GNAL: variants seen among roughly 807,000 people sequenced by gnomAD.
GNAL encodes G protein subunit alpha L, also known as guanine nucleotide-binding protein G(olf) subunit alpha.
Under a neutral mutation model 55.1 loss-of-function variants are expected in GNAL, and 18 were observed. The observed-to-expected ratio is 0.33, with a 90% CI of 0.23 to 0.48. The LOEUF is 0.48. Among genes scored for constraint, GNAL ranks in the 20% least tolerant of loss-of-function variants. The pLI, the probability that GNAL is intolerant of heterozygous loss-of-function variation, is 0.99. For synonymous variants in GNAL, 253 were observed against 237.0 expected (o/e 1.07, Z -0.62); for missense variants, 412 against 614.1 (o/e 0.67, Z 3.48).
intron 1 of GNAL, among the ~76,000 whole-genome samples, chr18:11,701,420 A>T (rs2031566333): frequency 6.6e-6 from 1 of 151,934 alleles, no homozygotes; most frequent in East Asian, 1.9e-4. Flanking sequence ...GTGAAACCCC[A>T]TCTCTACTAA....
intron 4 of GNAL, among the ~76,000 whole-genome samples, chr18:11,755,159 G>A (rs1470428390): frequency 1.3e-5 from 2 of 152,210 alleles, no homozygotes; most frequent in Admixed American, 1.3e-4. Context: ...AAAACAGAGA[G>A]ACCCCGCCCT....
rs186639137 is a variant in GNAL at position 11,827,143 on chromosome 18, C to T, written c.722+2128C>T. On this transcript the variant is annotated intron_variant, in intron 5 of 11. Transcript: ENST00000334049. The stretch of plus-strand genomic sequence containing the variant: ...GTCCAAGGACAGGATGTCCCATGCT[C>T]AGTCCGCAGGCATGTGGTGAGCGCG... Among the ~76,000 whole-genome samples the T allele has an allele frequency of 2.5e-4, 38 of 152,260 alleles. No individual in the cohort carries two copies. In the East Asian group the frequency reaches 7.1e-3, roughly 29 times the overall value.
At chr18:11,692,565 C>T (rs1189945863) in intron 1 of GNAL, among the ~76,000 whole-genome samples, 1 of 151,956 alleles carries the variant, frequency 6.6e-6, no homozygotes, top group Non-Finnish European at 1.5e-5. Flanking sequence ...AATAAATCTT[C>T]GGATATGCAA....
At chr18:11,849,306 A>C (rs1402466995) in intron 5 of GNAL, among the ~76,000 whole-genome samples, 1 of 152,232 alleles carries the variant, frequency 6.6e-6, no homozygotes, top group East Asian at 1.9e-4. Context: ...GTTCGAGGCC[A>C]GCCTGACCAA....
Position 11,700,152 on chromosome 18 carries a change from G to A in GNAL, c.376+10213G>A, listed in dbSNP as rs2031524553. Among the ~76,000 whole-genome samples, 2 of 152,176 alleles carry A rather than the reference G, an allele frequency of 1.3e-5. 1 individual carries two copies. The highest frequency in any genetic ancestry group is 4.2e-4 in the South Asian group (2 of 4,818). ...CAGTGGCCATAGCAGAAGGGTCGAGGGTTCTTCTAATGAGCCCGTTTAGGG... is the reference window on the plus strand; with the variant it reads ...CAGTGGCCATAGCAGAAGGGTCGAGAGTTCTTCTAATGAGCCCGTTTAGGG... On this transcript the variant is annotated intron_variant, in intron 1 of 11. Coordinates refer to ENST00000334049, the MANE Select transcript of GNAL (RefSeq NM_182978.4).
intron 4 of GNAL, among the ~76,000 whole-genome samples, chr18:11,814,656 G>A (rs2034906146): frequency 6.6e-6 from 1 of 152,216 alleles, no homozygotes; most frequent in South Asian, 2.1e-4. Context: ...CAGCACTTTG[G>A]AAGGCCAAAG....
At chr18:11,723,277 A>G (rs756855841) in intron 1 of GNAL, among the ~76,000 whole-genome samples, 6 of 152,256 alleles carry the variant, frequency 3.9e-5, no homozygotes, top group South Asian at 2.1e-4. Context: ...CTGTGTTCCA[A>G]TAAAACTTTA....
intron 4 of GNAL, among the ~76,000 whole-genome samples, chr18:11,766,045 ACT>A (rs2033396404): frequency 6.6e-6 from 1 of 152,198 alleles, no homozygotes; most frequent in South Asian, 2.1e-4. Flanking sequence ...ACGTCTTAGC[ACT>A]CTCTCAGGAA....
At chr18:11,840,914 G>A (rs1382708428) in intron 5 of GNAL, among the ~76,000 whole-genome samples, 10 of 138,208 alleles carry the variant, frequency 7.2e-5, no homozygotes, top group Admixed American at 2.3e-4. Context: ...TCACTCTGTC[G>A]CCCAGACTGG....
intron 1 of GNAL, among the ~76,000 whole-genome samples, chr18:11,700,858 A>G (rs2031549736): frequency 1.3e-5 from 2 of 152,236 alleles, no homozygotes; most frequent in South Asian, 4.1e-4. Flanking sequence ...TAAGAAGACA[A>G]TATTTTGACA....
At chr18:11,836,022 C>T (rs938970688) in intron 5 of GNAL, among the ~76,000 whole-genome samples, 1 of 152,052 alleles carries the variant, frequency 6.6e-6, no homozygotes, top group Non-Finnish European at 1.5e-5. Context: ...TGCCACACAC[C>T]TGTAGTCCCA....
At chr18:11,725,222 G>A (rs1388393700) in intron 1 of GNAL, among the ~76,000 whole-genome samples, 1 of 152,104 alleles carries the variant, frequency 6.6e-6, no homozygotes, top group African/African-American at 2.4e-5. Context: ...GGATTTAAAG[G>A]GTAATTAGGA....
In GNAL at chr18:11,785,759, C is replaced by T. The variant is rs1482156381; in HGVS notation, c.624+31814C>T. ...CCTTCTGCCCAGAGACCCAGTCTGA[C>T]GCCCCCTCTCCTGCGAACGTCAGCG... On this transcript the variant is annotated intron_variant, in intron 4 of 11. Coordinates refer to ENST00000334049, the MANE Select transcript of GNAL (RefSeq NM_182978.4). 2.0e-5 allele frequency among the ~76,000 whole-genome samples: 3 copies of T among 152,162 alleles called. No individual in the cohort carries two copies. In the East Asian group the frequency reaches 5.8e-4, roughly 29 times the overall value.
chr18:11,881,364 A>C lies in GNAL; in HGVS notation c.*229A>C. 1 of 441,348 alleles carries C rather than the reference A, an allele frequency of 2.3e-6. No individual in the cohort carries two copies. Among genetic ancestry groups the C allele is most frequent in the South Asian group, 4.4e-5 (1 of 22,772 alleles). 27.3% of individuals were successfully genotyped at this position (441,348 alleles called of 1,614,324 possible). On this transcript the variant is annotated 3_prime_UTR_variant, in exon 12 of 12. Transcript: ENST00000334049. This position sits in a 1 kb window ranked among gnomAD's most constrained non-coding sequence, Gnocchi z 4.8. Reference sequence around the variant, plus strand: ...TCCCACCCCCAAACCACCGACTCTCATTGCCGACACTGCAGCAGAATCTCT... The same window carrying C: ...TCCCACCCCCAAACCACCGACTCTCCTTGCCGACACTGCAGCAGAATCTCT...
intron 4 of GNAL, among the ~76,000 whole-genome samples, chr18:11,771,807 T>C (rs9676126): frequency 0.45 from 68,952 of 152,042 alleles, 19,938 homozygotes; most frequent in African/African-American, 0.83. Flanking sequence ...CTCCTCCTTC[T>C]GGGTTCAAGC....
At chr18:11,778,101 A>G (rs1169070815) in intron 4 of GNAL, among the ~76,000 whole-genome samples, 1 of 152,096 alleles carries the variant, frequency 6.6e-6, no homozygotes, top group African/African-American at 2.4e-5. Flanking sequence ...TGCTCTTCGG[A>G]GAGGGACTCT....
chr18:11,694,392 C>T (rs1455374507), intron 1 of GNAL, among the ~76,000 whole-genome samples: 3 of 152,206 alleles, frequency 2.0e-5, no homozygotes, highest in Non-Finnish European at 2.9e-5. Flanking sequence ...CTGCACAGGA[C>T]GTAGCACCCC....
intron 11 of GNAL, among the ~76,000 whole-genome samples, chr18:11,876,967 G>T (rs1172946624): frequency 1.3e-5 from 2 of 152,172 alleles, no homozygotes; most frequent in East Asian, 3.8e-4. Context: ...TTCACTTGTT[G>T]TATTTTCCAA....
rs548484388 is a variant in GNAL, at chr18:11,837,610, T to C, written c.722+12595T>C. On this transcript the variant is annotated intron_variant, in intron 5 of 11. Coordinates refer to ENST00000334049, the MANE Select transcript of GNAL (RefSeq NM_182978.4). Reference sequence around the variant, plus strand: ...GGGTGGCTGTGCCTAAAAAGTCAGATAAAACAAGTGTTGCTGAGGATGTGA... The same window carrying C: ...GGGTGGCTGTGCCTAAAAAGTCAGACAAAACAAGTGTTGCTGAGGATGTGA... 2.6e-5 allele frequency among the ~76,000 whole-genome samples: 4 copies of C among 152,260 alleles called. 1 individual carries two copies. The South Asian group carries it at 8.3e-4, about 32-fold the overall frequency.
Sources: gnomAD v4.1 joint callset for allele counts (sites outside exome capture counted in the v4.1 genomes callset) on GRCh38, gnomAD v4.1.1 for gene constraint, Gnocchi (gnomAD v3.1) non-coding constraint, MANE v1.5 for transcripts, NCBI Gene and HGNC (gene_info 2026-07-23, HGNC 2026-07-21) for gene names.